DOCK4: variants seen among roughly 807,000 people sequenced by gnomAD.
DOCK4 encodes dedicator of cytokinesis protein 4.
Under a neutral mutation model 268.1 loss-of-function variants are expected in DOCK4, and 97 were observed. That is an observed-to-expected ratio of 0.36 (90% CI 0.31 to 0.43). The LOEUF (loss-of-function observed/expected upper bound fraction) is 0.43, where lower values mean the gene tolerates loss of function less well. Among genes scored for constraint, DOCK4 ranks in the 20% least tolerant of loss-of-function variants. The pLI is 1.00. For missense variants in DOCK4, 2,145 were observed against 2,455.7 expected (o/e 0.87, Z 2.67); for synonymous variants, 954 against 887.2 (o/e 1.08, Z -1.34).
At chr7:112,008,085 T>C (rs551032140) in intron 1 of DOCK4, among the ~76,000 whole-genome samples, 2 of 152,212 alleles carry the variant, frequency 1.3e-5, no homozygotes, top group Non-Finnish European at 2.9e-5. Flanking sequence ...CAGTTTCTTA[T>C]AAATTGATCC....
intron 1 of DOCK4, among the ~76,000 whole-genome samples, chr7:112,179,126 C>G (rs915533200): frequency 6.6e-6 from 1 of 152,168 alleles, no homozygotes; most frequent in Non-Finnish European, 1.5e-5. Context: ...TTGGCTCACA[C>G]CTATAATCTC....
At chr7:111,983,233 A>G (rs186306431) in intron 7 of DOCK4, among the ~76,000 whole-genome samples, 13 of 152,356 alleles carry the variant, frequency 8.5e-5, no homozygotes, top group African/African-American at 2.4e-4. Flanking sequence ...CAAATCAGAT[A>G]CATCCCCAGT....
At chr7:112,111,593 T>A (rs1171184857) in intron 1 of DOCK4, among the ~76,000 whole-genome samples, 1 of 152,180 alleles carries the variant, frequency 6.6e-6, no homozygotes, top group Non-Finnish European at 1.5e-5. Context: ...ACCATCTTAA[T>A]GTTCATGAGC....
At chr7:112,109,901 C>A (rs368709691) in intron 1 of DOCK4, among the ~76,000 whole-genome samples, 3 of 149,696 alleles carry the variant, frequency 2.0e-5, no homozygotes, top group Admixed American at 1.3e-4. Flanking sequence ...CCCGCCATCA[C>A]GCCCGGCTAA....
intron 1 of DOCK4, among the ~76,000 whole-genome samples, chr7:112,188,090 C>T (rs1302286204): frequency 6.6e-6 from 1 of 152,130 alleles, no homozygotes; most frequent in Non-Finnish European, 1.5e-5. Flanking sequence ...CAAATACTTA[C>T]CAAAATTAAC....
At chr7:112,058,178 C>A (rs188041741) in intron 1 of DOCK4, among the ~76,000 whole-genome samples, 1 of 151,950 alleles carries the variant, frequency 6.6e-6, no homozygotes, top group East Asian at 1.9e-4. Context: ...CTTATCTTGG[C>A]TTTTCTATTC....
intron 1 of DOCK4, among the ~76,000 whole-genome samples, chr7:112,183,688 G>A (rs1819244897): frequency 6.6e-6 from 1 of 152,186 alleles, no homozygotes; most frequent in Non-Finnish European, 1.5e-5. Flanking sequence ...CAAACCCTGG[G>A]AGTGGGGGTG....
intron 1 of DOCK4, among the ~76,000 whole-genome samples, chr7:112,169,961 C>G (rs1410448302): frequency 3.3e-5 from 5 of 152,080 alleles, no homozygotes; most frequent in Non-Finnish European, 7.4e-5. Context: ...TTTTCCTGAA[C>G]AGAATTTCTT....
chr7:111,940,363 A>C lies in DOCK4; in HGVS notation c.845-121T>G, dbSNP rs1356893114. 7.7e-6 allele frequency: 10 copies of C among 1,299,532 alleles called. No individual in the cohort carries two copies. In the African/African-American group the frequency reaches 8.8e-5, roughly 11 times the overall value. 80.5% of individuals were successfully genotyped at this position (1,299,532 alleles called of 1,614,324 possible). ...TGTAATTGGGCAATAAAGAGCACCC[A>C]GGTTGGGCGTAACAGAAGATATTGC... On this transcript the variant is annotated intron_variant, in intron 10 of 52. Coordinates refer to ENST00000428084, the MANE Select transcript of DOCK4 (RefSeq NM_001363540.2).
At position 112,080,853 on chromosome 7, in the gene DOCK4, GCAGA is replaced by G. The variant is rs551175493; in HGVS notation, c.38-76726_38-76723del. Among the ~76,000 whole-genome samples the G allele has an allele frequency of 1.5e-3, 228 of 152,292 alleles. 1 individual carries two copies. Among genetic ancestry groups the G allele is most frequent in the African/African-American group, 5.1e-3 (211 of 41,562 alleles). The stretch of plus-strand genomic sequence containing the variant: ...GAATGCTGTGAACTAGCAACTGGAT[GCAGA>G]CAGCAAGATATTTTGATGTTTCAAT... On this transcript the variant is annotated intron_variant, in intron 1 of 52. Transcript: ENST00000428084.
At chr7:111,957,865 C>A (rs1050436087) in intron 8 of DOCK4, among the ~76,000 whole-genome samples, 1 of 152,104 alleles carries the variant, frequency 6.6e-6, no homozygotes, top group African/African-American at 2.4e-5. Flanking sequence ...AATTTGTAGT[C>A]CAAAAATCTC....
At chr7:112,181,214 A>G (rs1413291437) in intron 1 of DOCK4, among the ~76,000 whole-genome samples, 1 of 152,232 alleles carries the variant, frequency 6.6e-6, no homozygotes, top group Non-Finnish European at 1.5e-5. Context: ...TATGATCTAG[A>G]AAAATATTTA....
At chr7:112,055,141 G>C (rs1287254185) in intron 1 of DOCK4, among the ~76,000 whole-genome samples, 1 of 152,038 alleles carries the variant, frequency 6.6e-6, no homozygotes, top group Non-Finnish European at 1.5e-5. Flanking sequence ...CATAAACAAA[G>C]GTTAAGTTCC....
Position 111,765,232 on chromosome 7 carries a change from AC to A in DOCK4, c.3916-11del. 6.9e-7 allele frequency: 1 copy of A among 1,457,656 alleles called. No individual in the cohort carries two copies. The highest frequency in any genetic ancestry group is 9.3e-7 in the Non-Finnish European group (1 of 1,075,566). The allele number at this position is 1,457,656 out of a possible 1,614,324, so 90.3% of individuals were successfully genotyped here. A position where few individuals can be genotyped will look rare whatever the true frequency, so the allele number is the denominator to read the frequency against. ...AAGAGGCTTCCATCATCTAGAAAGC[AC>A]AGGAAACATTCTAAGCATTTTATCT... On this transcript the variant is annotated splice_polypyrimidine_tract_variant and intron_variant, in intron 38 of 52. Coordinates refer to ENST00000428084, the MANE Select transcript of DOCK4 (RefSeq NM_001363540.2).
intron 23 of DOCK4, among the ~76,000 whole-genome samples, chr7:111,859,230 A>C (rs1360545747): frequency 1.3e-5 from 2 of 152,198 alleles, no homozygotes; most frequent in Non-Finnish European, 2.9e-5. Context: ...CCTTAATTTC[A>C]GCCCATTGAG....
intron 1 of DOCK4, among the ~76,000 whole-genome samples, chr7:112,068,719 T>C (rs1180404804): frequency 6.6e-6 from 1 of 152,194 alleles, no homozygotes. Context: ...AGACATGGTG[T>C]CTCATTCATC....
chr7:112,060,805 G>T (rs1480990792), intron 1 of DOCK4, among the ~76,000 whole-genome samples: 1 of 152,168 alleles, frequency 6.6e-6, no homozygotes, highest in African/African-American at 2.4e-5. Context: ...GTTGCCAGGG[G>T]CTGGGGCTAG....
chr7:112,018,179 A>AAAAAAAAAAAAACACAC, intron 1 of DOCK4, among the ~76,000 whole-genome samples: 6 of 72,628 alleles, frequency 8.3e-5, no homozygotes, highest in African/African-American at 1.6e-4. Context: ...AAAAAAAAAA[A>AAAAAAAAAAAAACACAC]ACACAGGCAA....
chr7:111,813,517 C>T (rs535783215), intron 27 of DOCK4, among the ~76,000 whole-genome samples: 6 of 152,282 alleles, frequency 3.9e-5, no homozygotes, highest in African/African-American at 1.2e-4. Flanking sequence ...AAGACAACCA[C>T]GATTTCATGG....
Sources: allele counts gnomAD v4.1 joint callset (sites outside exome capture counted in the v4.1 genomes callset), GRCh38; gene constraint gnomAD v4.1.1; transcripts MANE v1.5; gene names NCBI Gene and HGNC (gene_info 2026-07-23, HGNC 2026-07-21).